SORCS2: variants seen among roughly 807,000 people sequenced by gnomAD.
SORCS2 encodes sortilin related VPS10 domain containing receptor 2.
Under a neutral mutation model 141.6 loss-of-function variants are expected in SORCS2, and 100 were observed. That is an observed-to-expected ratio of 0.71 (90% CI 0.60 to 0.83). The LOEUF (loss-of-function observed/expected upper bound fraction) is 0.83. Among genes scored for constraint, SORCS2 ranks in the 40% least tolerant of loss-of-function variants. SORCS2 has a pLI of 0.00. For missense variants in SORCS2, 1,646 were observed against 1,560.2 expected (o/e 1.05, Z -0.93); for synonymous variants, 789 against 676.9 (o/e 1.17, Z -2.57).
intron 2 of SORCS2, among the ~76,000 whole-genome samples, chr4:7,481,312 G>A (rs1417675205): frequency 6.6e-6 from 1 of 152,264 alleles, no homozygotes; most frequent in Non-Finnish European, 1.5e-5. Context: ...CACAGGGATG[G>A]CACAGCCCCG....
intron 1 of SORCS2, among the ~76,000 whole-genome samples, chr4:7,209,220 G>T (rs1727916668): frequency 6.6e-6 from 1 of 152,220 alleles, no homozygotes; most frequent in Non-Finnish European, 1.5e-5. Flanking sequence ...TCCTCAGCTG[G>T]CTCTGTCACC....
At chr4:7,712,706 C>T (rs1725905122) in intron 14 of SORCS2, 27 bp from the exon 15 acceptor site, 1 of 1,613,588 alleles carries the variant, frequency 6.2e-7, no homozygotes, top group Non-Finnish European at 8.5e-7. Context: ...GTGGTTTTCT[C>T]TCCCTTCCCT....
intron 16 of SORCS2, among the ~76,000 whole-genome samples, 198 bp downstream of exon 16, chr4:7,714,571 G>C (rs1002196228): frequency 1.3e-5 from 2 of 152,212 alleles, no homozygotes; most frequent in Non-Finnish European, 2.9e-5. Flanking sequence ...CCAGGAAGGA[G>C]CTTTAAGGAA....
At chr4:7,706,026 T>A (rs7681781) in intron 14 of SORCS2, among the ~76,000 whole-genome samples, 1 of 112,512 alleles carries the variant, frequency 8.9e-6, no homozygotes, top group Non-Finnish European at 2.0e-5. Context: ...GGCTGGGCTC[T>A]GTCTGGGCAG....
chr4:7,310,494 C>T (rs1287761529), intron 1 of SORCS2: 1 of 154,276 alleles, frequency 6.5e-6, no homozygotes, highest in African/African-American at 2.4e-5. Context: ...TTACAAAAGA[C>T]CAACTCACGA....
At position 7,488,058 on chromosome 4, in the gene SORCS2, A is replaced by C. The variant is rs184697125; in HGVS notation, c.549-43472A>C. 9.4e-4 allele frequency among the ~76,000 whole-genome samples: 143 copies of C among 152,228 alleles called. 3 individuals are homozygous for C. The highest frequency in any genetic ancestry group is 3.2e-3 in the African/African-American group (135 of 41,550). On this transcript the variant is annotated intron_variant, in intron 2 of 26. Transcript: ENST00000507866. Reference sequence around the variant, plus strand: ...GCCAGTAGGTTTCAGCATTTAAGGTAATGCGCATCTCCCGGTACCTGAGCC... The same window carrying C: ...GCCAGTAGGTTTCAGCATTTAAGGTCATGCGCATCTCCCGGTACCTGAGCC...
At chr4:7,729,558 G>A (rs202116419) in intron 22 of SORCS2, 29 bp from the exon 23 acceptor site, 559 of 1,561,396 alleles carry the variant, frequency 3.6e-4, no homozygotes, top group Non-Finnish European at 4.5e-4. Flanking sequence ...GAAGACAGGC[G>A]GACCAAAGTG....
chr4:7,263,954 A>G (rs1714541909), intron 1 of SORCS2, among the ~76,000 whole-genome samples: 1 of 151,736 alleles, frequency 6.6e-6, no homozygotes, highest in African/African-American at 2.4e-5. Flanking sequence ...TCACTCACTC[A>G]TTCACTCACT....
intron 1 of SORCS2, among the ~76,000 whole-genome samples, chr4:7,326,717 C>T (rs1719286079): frequency 6.6e-6 from 1 of 152,254 alleles, no homozygotes; most frequent in African/African-American, 2.4e-5. Context: ...TCTTGTCACC[C>T]TCCCAAGCCT....
At chr4:7,425,728 C>T (rs907864971) in intron 2 of SORCS2, among the ~76,000 whole-genome samples, 3 of 152,208 alleles carry the variant, frequency 2.0e-5, no homozygotes, top group Non-Finnish European at 4.4e-5. Context: ...CCGCAGTGGA[C>T]CGAGCTGTCA....
intron 1 of SORCS2, among the ~76,000 whole-genome samples, chr4:7,309,807 C>T (rs746059357): frequency 7.9e-5 from 12 of 152,128 alleles, no homozygotes; most frequent in Non-Finnish European, 1.3e-4. Context: ...CTGAGGCCCG[C>T]GTAACCCACC....
intron 14 of SORCS2, among the ~76,000 whole-genome samples, chr4:7,707,797 G>T (rs1209418021): frequency 2.0e-5 from 3 of 152,210 alleles, no homozygotes; most frequent in Non-Finnish European, 4.4e-5. Context: ...GATGACACAG[G>T]GGTGGAGACA....
chr4:7,474,641 G>A (rs1189883957), intron 2 of SORCS2, among the ~76,000 whole-genome samples: 1 of 152,214 alleles, frequency 6.6e-6, no homozygotes, highest in Non-Finnish European at 1.5e-5. Context: ...AAGGTAGCTG[G>A]GAACAGAGTC....
At chr4:7,570,792 GC>G (rs1234413748) in intron 3 of SORCS2, among the ~76,000 whole-genome samples, 3 of 152,182 alleles carry the variant, frequency 2.0e-5, no homozygotes, top group Non-Finnish European at 2.9e-5. Flanking sequence ...TTTAATCAGT[GC>G]CCGAAGCCAG....
chr4:7,332,046 G>T (rs1393426330), intron 1 of SORCS2, among the ~76,000 whole-genome samples: 1 of 152,218 alleles, frequency 6.6e-6, no homozygotes, highest in Non-Finnish European at 1.5e-5. Context: ...TAATGGAGGA[G>T]CATCCACAGG....
chr4:7,392,742 G>A (rs1286230188), intron 1 of SORCS2, among the ~76,000 whole-genome samples: 1 of 152,012 alleles, frequency 6.6e-6, no homozygotes. Flanking sequence ...TCACAGAGGG[G>A]GGAGGGCAGC....
chr4:7,665,508 A>G (rs934035141), intron 7 of SORCS2, among the ~76,000 whole-genome samples: 2 of 151,834 alleles, frequency 1.3e-5, no homozygotes, highest in African/African-American at 2.4e-5. Context: ...CTCCTTCTCA[A>G]AGACTCAATC....
At chr4:7,584,945 G>C (rs957960303) in intron 3 of SORCS2, among the ~76,000 whole-genome samples, 1 of 152,178 alleles carries the variant, frequency 6.6e-6, no homozygotes, top group Non-Finnish European at 1.5e-5. Context: ...AAAACACAAA[G>C]GGGGTTGCAG....
chr4:7,400,688 C>A (rs978875043), intron 2 of SORCS2, among the ~76,000 whole-genome samples: 3 of 149,828 alleles, frequency 2.0e-5, no homozygotes, highest in Middle Eastern at 3.6e-3. Flanking sequence ...AATGGCTTGA[C>A]AGATGGATGG....
Sources: allele counts gnomAD v4.1 joint callset (sites outside exome capture counted in the v4.1 genomes callset), GRCh38; gene constraint gnomAD v4.1.1; transcripts MANE v1.5; gene names NCBI Gene and HGNC (gene_info 2026-07-23, HGNC 2026-07-21).